Variants in MGAM observed in about 807,000 individuals in gnomAD.
MGAM encodes the protein alpha-1,4-glucosidase.
MGAM carries 253 observed loss-of-function variants against 358.8 expected under a neutral mutation model. The observed-to-expected ratio is 0.71, with a 90% confidence interval of 0.64 to 0.78. The LOEUF (loss-of-function observed/expected upper bound fraction) is 0.78, where lower values mean the gene tolerates loss of function less well. MGAM is among the 30% of genes least tolerant of loss of function. The pLI, the probability that MGAM is intolerant of heterozygous loss-of-function variation, is 0.00. For synonymous variants in MGAM, 1,105 were observed against 1,227.1 expected (o/e 0.90, Z 2.08); for missense variants, 3,080 against 3,432.6 (o/e 0.90, Z 2.57).
At chr7:141,997,617 G>A (rs192694301) in intron 1 of MGAM, among the ~76,000 whole-genome samples, 7 of 152,284 alleles carry the variant, frequency 4.6e-5, no homozygotes, top group Admixed American at 6.5e-5. Context: ...ACACCCTGTT[G>A]CTGGGCTCAA....
intron 43 of MGAM, among the ~76,000 whole-genome samples, chr7:142,069,851 G>A (rs1239719360): frequency 1.4e-5 from 2 of 145,430 alleles, no homozygotes; most frequent in African/African-American, 2.4e-5. Flanking sequence ...AGATATCTTT[G>A]ATGGAAGAGG....
At position 142,094,401 on chromosome 7, in the gene MGAM, A is replaced by T; in HGVS notation, c.7210A>T (p.Ile2404Phe). The change falls in exon 61 of 71, where the codon ATC (isoleucine) becomes TTC (phenylalanine). Residue 2404 changes from isoleucine (I) to phenylalanine (F), a missense_variant. Ile to Phe is a conservative substitution (Grantham distance 21). Around this residue, in one of 5 missense-constraint regions of MGAM, gnomAD observed 932 missense variants for 1,198.2 expected, o/e 0.78. Transcript: ENST00000475668. ...QEVTGQRGVVITRSTFPSSGR... is the reference protein window; with the variant it reads ...QEVTGQRGVVFTRSTFPSSGR... ...GGTGACAGGACAGCGAGGGGTCGTC[A>T]TCACCCGCTCCACATTTCCCTCTTC... The T allele has an allele frequency of 6.5e-7, 1 of 1,533,108 alleles. No homozygotes were observed. Among genetic ancestry groups the T allele is most frequent in the Non-Finnish European group, 8.9e-7 (1 of 1,121,142 alleles). The allele number at this position is 1,533,108 out of a possible 1,614,324, so 95.0% of individuals were successfully genotyped here.
intron 8 of MGAM, among the ~76,000 whole-genome samples, chr7:142,025,656 G>T (rs1276470461): frequency 6.6e-6 from 1 of 152,148 alleles, no homozygotes; most frequent in Non-Finnish European, 1.5e-5. Flanking sequence ...ACTGTTTCAG[G>T]TCTATAGTAA....
Position 142,099,689 on chromosome 7 carries a change from G to A in MGAM, c.7826G>A (p.Gly2609Glu). Reference protein sequence around the residue: ...PLDHINLHVRGGYILPWQEPA... With the variant: ...PLDHINLHVREGYILPWQEPA... ...GACCACATTAATCTTCATGTCCGTG[G>A]GGGCTACATCCTGCCCTGGCAAGAG... is the stretch of plus-strand genomic sequence containing the variant. The change falls in exon 67 of 71, where the codon GGG (glycine) becomes GAG (glutamate). Residue 2609 changes from glycine to glutamate, a missense_variant. Coordinates refer to ENST00000475668, the MANE Select transcript of MGAM (RefSeq NM_001365693.1). The A allele has an allele frequency of 6.2e-7, 1 of 1,613,956 alleles. No homozygotes were observed. The highest frequency in any genetic ancestry group is 8.5e-7 in the Non-Finnish European group (1 of 1,179,872).
upstream of MGAM, among the ~76,000 whole-genome samples, chr7:141,991,170 A>G (rs1563091902): frequency 6.6e-6 from 1 of 152,226 alleles, no homozygotes; most frequent in South Asian, 2.1e-4. Flanking sequence ...AGTTACCAGG[A>G]GGAAGTGAAA....
At chr7:142,055,249 G>A (rs1485955150) in intron 27 of MGAM, among the ~76,000 whole-genome samples, 4 of 152,154 alleles carry the variant, frequency 2.6e-5, no homozygotes, top group African/African-American at 4.8e-5. Flanking sequence ...TGGACTGAGG[G>A]GTGCAAGGAT....
intron 66 of MGAM, among the ~76,000 whole-genome samples, chr7:142,097,949 A>G (rs1816090208): frequency 1.3e-5 from 2 of 152,218 alleles, no homozygotes; most frequent in Non-Finnish European, 2.9e-5. Flanking sequence ...TGTTTTGTAA[A>G]GGCAGATGCT....
chr7:142,025,016 T>C, intron 7 of MGAM, 34 bp from the exon 8 acceptor site: 1 of 1,495,016 alleles, frequency 6.7e-7, no homozygotes, highest in Non-Finnish European at 9.3e-7. Context: ...GACTTCTTAG[T>C]TGTAAATTTT....
At chr7:141,990,660 T>A (rs915180262) in intron 2 of MGAM, among the ~76,000 whole-genome samples, 1 of 152,108 alleles carries the variant, frequency 6.6e-6, no homozygotes, top group Non-Finnish European at 1.5e-5. Flanking sequence ...TTATTTCTTT[T>A]TTTTTATGTT....
At chr7:142,041,949 C>CGTATATATATA in intron 21 of MGAM, among the ~76,000 whole-genome samples, 1 of 11,070 alleles carries the variant, frequency 9.0e-5, no homozygotes, top group Non-Finnish European at 1.7e-4. Context: ...TATATATATA[C>CGTATATATATA]ATATATATAA....
intron 3 of MGAM, among the ~76,000 whole-genome samples, chr7:142,009,504 C>T (rs1805437429): frequency 6.6e-6 from 1 of 152,200 alleles, no homozygotes; most frequent in African/African-American, 2.4e-5. Context: ...TTATCACATT[C>T]TCAGTATGTC....
intron 29 of MGAM, among the ~76,000 whole-genome samples, chr7:142,056,364 G>T (rs1421899021): frequency 6.6e-6 from 1 of 152,178 alleles, no homozygotes; most frequent in Non-Finnish European, 1.5e-5. Flanking sequence ...AGGGCAGCTC[G>T]TGAGAGCCAG....
chr7:142,065,788 C>T lies in MGAM; in HGVS notation c.4727C>T (p.Ala1576Val), dbSNP rs1812677099. ...EMCVRWMQLG[A>V]FYPFSRNHNT... ...TGTGTTCGCTGGATGCAGCTGGGGG[C>T]CTTTTACCCCTTCTCAAGAAACCAC... Residue 1576 changes from alanine (A) to valine (V), a missense_variant, in exon 40 of 71, where the codon GCC (alanine) becomes GTC (valine). Transcript: ENST00000475668. 2 of 1,555,978 alleles carry T rather than the reference C, an allele frequency of 1.3e-6. No individual in the cohort carries two copies. Among genetic ancestry groups the T allele is most frequent in the African/African-American group, 1.3e-5 (1 of 74,406 alleles).
At chr7:142,042,903 ATC>A (rs1378822684) in intron 21 of MGAM, among the ~76,000 whole-genome samples, 2 of 46,668 alleles carry the variant, frequency 4.3e-5, no homozygotes, top group African/African-American at 1.4e-4. Flanking sequence ...TAAATATAAT[ATC>A]TATATTATAT....
At position 142,025,069 on chromosome 7, in the gene MGAM, G is replaced by A; in HGVS notation, c.902G>A (p.Gly301Asp). The change falls in exon 8 of 71, where the codon GGT (glycine) becomes GAT (aspartate). Residue 301 changes from glycine to aspartate, a missense_variant. Transcript: ENST00000475668. The stretch of plus-strand genomic sequence containing the variant: ...CTGCAGAACGGAACTAATTTGTATG[G>A]TGCGCAGACATTCTTCTTGTGCCTT... The part of the protein sequence containing the change: ...TPNGNGTNLY[G>D]AQTFFLCLED... 6.2e-7 allele frequency: 1 copy of A among 1,613,636 alleles called. No individual in the cohort carries two copies. The highest frequency in any genetic ancestry group is 8.5e-7 in the Non-Finnish European group (1 of 1,179,620).
intron 34 of MGAM, among the ~76,000 whole-genome samples, chr7:142,060,659 GC>G (rs1812078764): frequency 6.6e-6 from 1 of 152,250 alleles, no homozygotes; most frequent in African/African-American, 2.4e-5. Flanking sequence ...CAATTCCAAG[GC>G]TGTCAGATTC....
At chr7:142,050,094 C>T (rs1301207141) in intron 22 of MGAM, 141 bp from the exon 23 acceptor site, 1 of 736,482 alleles carries the variant, frequency 1.4e-6, no homozygotes, top group Non-Finnish European at 2.4e-6. Flanking sequence ...TACACATATA[C>T]AATTGAAAAT....
chr7:142,030,561 C>T lies in MGAM; in HGVS notation c.1353+68C>T, dbSNP rs557180932. ...CCGTATCATACACCCATCTCTCCTG[C>T]TTTCTCCCCCAGTTCCCAGTCTCCT... is the stretch of plus-strand genomic sequence containing the variant. On this transcript the variant is annotated intron_variant, in intron 11 of 70. Transcript: ENST00000475668. The T allele has an allele frequency of 4.0e-5, 64 of 1,606,768 alleles. No homozygotes were observed. The South Asian group carries it at 6.2e-4, about 15-fold the overall frequency.
At position 142,005,782 on chromosome 7, in the gene MGAM, T is replaced by A. The variant is rs2128982807; in HGVS notation, c.127+125T>A. On this transcript the variant is annotated intron_variant, in intron 2 of 70. Transcript: ENST00000475668. ...TGTTTGTTGCGGGGGCTGTTATATG[T>A]GTGTGTTCTATGTGTTTTGGACAGC... 4.3e-6 allele frequency: 4 copies of A among 924,610 alleles called. No individual in the cohort carries two copies. In the South Asian group the frequency reaches 6.7e-5, roughly 16 times the overall value. The allele number at this position is 924,610 out of a possible 1,614,324, so 57.3% of individuals were successfully genotyped here.
Sources: allele counts gnomAD v4.1 joint callset (sites outside exome capture counted in the v4.1 genomes callset), GRCh38; gene constraint gnomAD v4.1.1; regional missense constraint gnomAD v4.1.1; transcripts MANE v1.5; gene names NCBI Gene and HGNC (gene_info 2026-07-23, HGNC 2026-07-21).